ZNF534: variants seen among roughly 807,000 people sequenced by gnomAD.
ZNF534 encodes the protein zinc finger protein 534, also known as KRAB domain only 3.
A neutral mutation model predicts 13.6 loss-of-function variants in ZNF534; 19 were observed. That is an observed-to-expected ratio of 1.40 (90% CI 0.97 to 2.05). ZNF534 has a LOEUF of 2.05. Ranked by LOEUF, ZNF534 falls within the 30% of genes most tolerant of loss-of-function variation. The pLI is 0.00. For synonymous variants in ZNF534, 244 were observed against 273.8 expected, an observed-to-expected ratio of 0.89 and a Z score of 1.07; for missense variants, 782 against 796.3, an observed-to-expected ratio of 0.98 and a Z score of 0.22.
intron 1 of ZNF534, among the ~76,000 whole-genome samples, chr19:52,430,585 CTG>C (rs1280929615): frequency 6.6e-6 from 1 of 151,108 alleles, no homozygotes; most frequent in African/African-American, 2.5e-5. Flanking sequence ...GAGTCGCACT[CTG>C]TCACCCAGGC....
chr19:52,429,944 T>A (rs924157632), intron 1 of ZNF534, among the ~76,000 whole-genome samples: 8 of 149,956 alleles, frequency 5.3e-5, no homozygotes, highest in African/African-American at 7.6e-5. Flanking sequence ...GTGCTTTTTT[T>A]TCATGTAACC....
intron 4 of ZNF534, among the ~76,000 whole-genome samples, chr19:52,450,214 T>G (rs1172625537): frequency 6.6e-6 from 1 of 152,218 alleles, no homozygotes; most frequent in Non-Finnish European, 1.5e-5. Flanking sequence ...CCTTGTTGCC[T>G]GTGTTTTTGA....
At chr19:52,433,019 G>A (rs1394985559) in intron 2 of ZNF534, among the ~76,000 whole-genome samples, 2 of 151,940 alleles carry the variant, frequency 1.3e-5, no homozygotes, top group African/African-American at 4.8e-5. Flanking sequence ...GAGGTGGGAG[G>A]ATCACTTGAG....
chr19:52,451,374 G>A (rs546626029), exon 5 of ZNF534: 58 of 927,276 alleles, frequency 6.3e-5, no homozygotes, highest in Non-Finnish European at 9.0e-5. Flanking sequence ...CGAGGCTCAC[G>A]GCAGAGGGCC....
rs1393241303 is a variant in ZNF534, at chr19:52,451,037, A to G, written c.272-150A>G. On this transcript the variant is annotated intron_variant, in intron 4 of 4. Coordinates refer to the ZNF534 transcript ENST00000301085. ...TGAATAATGTCTTTTGATATTTTGA[A>G]AGAGAATGTGTTGAATATGTACATT... is the stretch of plus-strand genomic sequence containing the variant. 4 of 468,126 alleles carry G rather than the reference A, an allele frequency of 8.5e-6. No individual in the cohort carries two copies. In the Admixed American group the frequency reaches 1.7e-4, roughly 20 times the overall value. The allele number at this position is 468,126 out of a possible 1,614,324, so 29.0% of individuals were successfully genotyped here. A position where few individuals can be genotyped will look rare whatever the true frequency, so the allele number is the denominator to read the frequency against.
At position 52,441,733 on chromosome 19, in the gene ZNF534, C is replaced by T. The variant is rs527319181; in HGVS notation, c.*2287C>T. On this transcript the variant is annotated 3_prime_UTR_variant, in exon 5 of 5. Coordinates refer to ENST00000433050, the MANE Select transcript of ZNF534 (RefSeq NM_001143938.3). ...GTCTCAAATTGAAATTCACATCTTG[C>T]GAATCACCACATAGAGAGAAACCTT... Among the ~76,000 whole-genome samples, 1 of 152,238 alleles carries T rather than the reference C, an allele frequency of 6.6e-6. No individual in the cohort carries two copies. The highest frequency in any genetic ancestry group is 1.5e-5 in the Non-Finnish European group (1 of 68,026).
intron 2 of ZNF534, among the ~76,000 whole-genome samples, chr19:52,432,769 A>G (rs909074914): frequency 3.3e-5 from 5 of 151,872 alleles, no homozygotes; most frequent in African/African-American, 4.8e-5. Context: ...AGTAGCTGGG[A>G]TTACAGGTGC....
chr19:52,435,978 C>T (rs1047751543), intron 4 of ZNF534, among the ~76,000 whole-genome samples: 1 of 138,896 alleles, frequency 7.2e-6, no homozygotes, highest in Non-Finnish European at 1.5e-5. Flanking sequence ...ACTCTGTCAC[C>T]CAGGCTGGAG....
In ZNF534 at chr19:52,440,016, C is replaced by T. The variant is rs995391964; in HGVS notation, c.*570C>T. 5.3e-5 allele frequency among the ~76,000 whole-genome samples: 8 copies of T among 151,926 alleles called. No homozygotes were observed. Among genetic ancestry groups the T allele is most frequent in the East Asian group, 1.9e-4 (1 of 5,172 alleles). Reference sequence around the variant, plus strand: ...CTGGGAGGCAGAGGTTGTGATGAGCCGAGATTGCAACATTGCACTCCAGCT... The same window carrying T: ...CTGGGAGGCAGAGGTTGTGATGAGCTGAGATTGCAACATTGCACTCCAGCT... On this transcript the variant is annotated 3_prime_UTR_variant, in exon 5 of 5. Transcript: ENST00000433050.
exon 5 of ZNF534, chr19:52,451,713 T>G: frequency 1.5e-6 from 1 of 679,552 alleles, no homozygotes; most frequent in South Asian, 1.7e-5. Context: ...CTGGCTTGGC[T>G]GCAAAACACT....
chr19:52,432,921 C>T (rs11666930), intron 2 of ZNF534, among the ~76,000 whole-genome samples: 129,031 of 151,948 alleles, frequency 0.85, 54,978 homozygotes, highest in Non-Finnish European at 0.88. Context: ...TGAGCCACTG[C>T]GCCCGGCCCA....
intron 2 of ZNF534, 166 bp from the exon 3 acceptor site, chr19:52,433,789 A>G (rs968213241): frequency 7.8e-6 from 6 of 766,704 alleles, no homozygotes; most frequent in Non-Finnish European, 1.1e-5. Flanking sequence ...ATGGAAAAGT[A>G]TAATAAAACA....
chr19:52,442,665 C>CT (rs1175353731), downstream of ZNF534, among the ~76,000 whole-genome samples: 1 of 152,190 alleles, frequency 6.6e-6, no homozygotes, highest in Admixed American at 6.5e-5. Flanking sequence ...TCAACCTGAA[C>CT]TTTGAGATCT....
In ZNF534 at chr19:52,441,939, T is replaced by A. The variant is rs975900568; in HGVS notation, c.*2493T>A. On this transcript the variant is annotated 3_prime_UTR_variant, in exon 5 of 5. Transcript: ENST00000433050. ...CAAGCTGTGTACGGAAAGCTCGTCATGAGTTTTAGCATTAATGAACATCAG... is the reference window on the plus strand; with the variant it reads ...CAAGCTGTGTACGGAAAGCTCGTCAAGAGTTTTAGCATTAATGAACATCAG... Among the ~76,000 whole-genome samples the A allele has an allele frequency of 2.6e-5, 4 of 152,240 alleles. No individual in the cohort carries two copies. Among genetic ancestry groups the A allele is most frequent in the Non-Finnish European group, 5.9e-5 (4 of 68,050 alleles).
Position 52,439,066 on chromosome 19 carries a change from C to T in ZNF534, c.1606C>T (p.His536Tyr), listed in dbSNP as rs1303118592. Residue 536 changes from histidine to tyrosine, a missense_variant, in exon 5 of 5, where the codon CAC becomes TAC. By Grantham distance (83) the His-to-Tyr change is moderately conservative (BLOSUM62 2). Transcript: ENST00000433050. Reference sequence around the variant, plus strand: ...TGGCAAGGTCTTCCGTCGGAATTCACACCTTGTGCGACATAGGAATGTTCA... The same window carrying T: ...TGGCAAGGTCTTCCGTCGGAATTCATACCTTGTGCGACATAGGAATGTTCA... ...ECGKVFRRNSHLVRHRNVHTG... is the reference protein window; with the variant it reads ...ECGKVFRRNSYLVRHRNVHTG... 6.3e-7 allele frequency: 1 copy of T among 1,593,530 alleles called. No homozygotes were observed. The highest frequency in any genetic ancestry group is 8.5e-7 in the Non-Finnish European group (1 of 1,169,828).
intron 4 of ZNF534, among the ~76,000 whole-genome samples, chr19:52,447,728 A>G (rs1032943297): frequency 6.6e-6 from 1 of 152,172 alleles, no homozygotes; most frequent in Non-Finnish European, 1.5e-5. Flanking sequence ...TAGACAGAAC[A>G]CTGATTGAAT....
chr19:52,442,015 C>T lies in ZNF534; in HGVS notation c.*2569C>T, dbSNP rs1477702406. Among the ~76,000 whole-genome samples the T allele has an allele frequency of 6.7e-6, 1 of 149,990 alleles. No individual in the cohort carries two copies. The highest frequency in any genetic ancestry group is 1.5e-5 in the Non-Finnish European group (1 of 67,724). On this transcript the variant is annotated 3_prime_UTR_variant, in exon 5 of 5. Transcript: ENST00000433050. ...ATAAATGTAATGTATGTGGCACAGG[C>T]TTTCCTGAGGCCTGCCAAATCACTA...
Position 52,438,957 on chromosome 19 carries a change from T to C in ZNF534, c.1497T>C (p.Cys499=), listed in dbSNP as rs62110197. ...AGAAGCTTTACAAATGTAATGAATG[T>C]GGCAAGGTCTTCCGTCAGAATTCAC... ...TGEKLYKCNE[C]GKVFRQNSHL... The change falls in exon 5 of 5, where the codon TGT becomes TGC. Residue 499 remains cysteine, a synonymous_variant. Coordinates refer to ENST00000433050, the MANE Select transcript of ZNF534 (RefSeq NM_001143938.3). The C allele has an allele frequency of 6.7e-3, 10,769 of 1,605,560 alleles. 41 individuals are homozygous for C. The highest frequency in any genetic ancestry group is 8.2e-3 in the Non-Finnish European group (9,618 of 1,175,584).
downstream of ZNF534, among the ~76,000 whole-genome samples, chr19:52,445,397 A>G (rs574031144): frequency 6.6e-6 from 1 of 152,020 alleles, no homozygotes; most frequent in Non-Finnish European, 1.5e-5. Context: ...GGGTTTCACC[A>G]TGTTGGCCAG....
Sources: gnomAD v4.1 joint callset for allele counts (sites outside exome capture counted in the v4.1 genomes callset) on GRCh38, gnomAD v4.1.1 for gene constraint, MANE v1.5 for transcripts, NCBI Gene and HGNC (gene_info 2026-07-23, HGNC 2026-07-21) for gene names.